Variants in TMEM225 observed in about 807,000 individuals in gnomAD.
TMEM225 encodes the protein PMP22 claudin domain-containing protein.
TMEM225 carries 10 observed loss-of-function variants against 17.6 expected under a neutral mutation model. That is an observed-to-expected ratio of 0.57 (90% CI 0.35 to 0.96). TMEM225 has a LOEUF of 0.96. Ranked by LOEUF, TMEM225 falls within the 40% of genes least tolerant of loss-of-function variation. The pLI is 0.02. For missense variants in TMEM225, 245 were observed against 271.5 expected, an observed-to-expected ratio of 0.90 and a Z score of 0.69; for synonymous variants, 101 against 94.5, an observed-to-expected ratio of 1.07 and a Z score of -0.40.
At position 123,884,663 on chromosome 11, in the gene TMEM225, GA is replaced by G. The variant is rs1218678098; in HGVS notation, c.182-28del. On this transcript the variant is annotated intron_variant, in intron 1 of 3. Coordinates refer to ENST00000375026, the MANE Select transcript of TMEM225 (RefSeq NM_001013743.3). Reference sequence around the variant, plus strand: ...TGTTGGAAAGCAAAAGCTGTTTTGAGAGGACAGATATTTCTTCTAGACTCAT... The same window carrying G: ...TGTTGGAAAGCAAAAGCTGTTTTGAGGGACAGATATTTCTTCTAGACTCAT... 3 of 1,600,432 alleles carry G rather than the reference GA, an allele frequency of 1.9e-6. No homozygotes were observed. In the African/African-American group the frequency reaches 4.0e-5, roughly 22 times the overall value.
chr11:123,884,324 C>T lies in TMEM225; in HGVS notation c.329-115G>A, dbSNP rs189169156. 432 of 1,386,170 alleles carry T rather than the reference C, an allele frequency of 3.1e-4. 2 individuals are homozygous for T. The African/African-American group carries it at 5.5e-3, about 18-fold the overall frequency. 85.9% of individuals were successfully genotyped at this position (1,386,170 alleles called of 1,614,324 possible). A position where few individuals can be genotyped will look rare whatever the true frequency, so the allele number is the denominator to read the frequency against. The stretch of plus-strand genomic sequence containing the variant: ...CATATACACTTGACTTCCCAACCCC[C>T]ACCCGGTCCAACTACACCTTGCCCA... On this transcript the variant is annotated intron_variant, in intron 2 of 3. Transcript: ENST00000375026.
intron 1 of TMEM225, among the ~76,000 whole-genome samples, chr11:123,885,012 G>T (rs728177): frequency 0.3 from 45,456 of 151,932 alleles, 6,988 homozygotes; most frequent in Admixed American, 0.33. Context: ...CTTCTCAAAT[G>T]CCCAGCAGTT....
chr11:123,884,414 G>T, intron 2 of TMEM225, 76 bp downstream of exon 2: 1 of 1,336,888 alleles, frequency 7.5e-7, no homozygotes, highest in African/African-American at 1.5e-5. Context: ...TATATATATA[G>T]TTTTCAGAGA....
rs1441060219 is a variant in TMEM225, at chr11:123,884,945, G to A, written c.181+300C>T. ...ATACAGATTACTTAATGCCAGTTAC[G>A]TTTCTTTCTTACCCACATGTCTAGT... On this transcript the variant is annotated intron_variant, in intron 1 of 3. Transcript: ENST00000375026. 2.0e-5 allele frequency among the ~76,000 whole-genome samples: 3 copies of A among 152,058 alleles called. No individual in the cohort carries two copies. In the South Asian group the frequency reaches 6.2e-4, roughly 32 times the overall value.
intron 3 of TMEM225, 32 bp from the exon 4 acceptor site, chr11:123,883,384 A>G: frequency 3.3e-6 from 5 of 1,500,766 alleles, no homozygotes; most frequent in Non-Finnish European, 4.6e-6. Context: ...GAGTGGGATG[A>G]AGGGACAATG....
Position 123,884,217 on chromosome 11 carries a change from CCAGA to C in TMEM225, c.329-12_329-9del. On this transcript the variant is annotated splice_polypyrimidine_tract_variant and intron_variant, in intron 2 of 3. Coordinates refer to ENST00000375026, the MANE Select transcript of TMEM225 (RefSeq NM_001013743.3). ...CCCAGAGCAGAGAGATACCTGATGT[CCAGA>C]CAAAAAAAAAAAAAAAAAAAGAAAA... 7.2e-7 allele frequency: 1 copy of C among 1,382,688 alleles called. No homozygotes were observed. Among genetic ancestry groups the C allele is most frequent in the South Asian group, 1.7e-5 (1 of 60,572 alleles). 85.7% of individuals were successfully genotyped at this position (1,382,688 alleles called of 1,614,324 possible). A position where few individuals can be genotyped will look rare whatever the true frequency, so the allele number is the denominator to read the frequency against.
Sources: gnomAD v4.1 joint callset for allele counts (sites outside exome capture counted in the v4.1 genomes callset) on GRCh38, gnomAD v4.1.1 for gene constraint, MANE v1.5 for transcripts, NCBI Gene and HGNC (gene_info 2026-07-23, HGNC 2026-07-21) for gene names.